PALLD: variants seen among roughly 807,000 people sequenced by gnomAD.
The protein encoded by PALLD is palladin.
In PALLD, 61 loss-of-function variants were observed where a neutral mutation model predicts 123.5. The ratio of observed to expected loss-of-function variants is 0.49; its 90% CI spans 0.40 to 0.61. PALLD has a LOEUF of 0.61. Among genes scored for constraint, PALLD ranks in the 20% least tolerant of loss-of-function variants. The probability of loss-of-function intolerance (pLI) is 0.00; values close to 1 mark genes in which losing one functional copy is unlikely to be tolerated. For missense variants in PALLD, 1,273 were observed against 1,377.0 expected (o/e 0.92, Z 1.20); for synonymous variants, 465 against 496.4 (o/e 0.94, Z 0.84).
intron 10 of PALLD, among the ~76,000 whole-genome samples, chr4:168,804,209 A>G (rs1181267392): frequency 6.6e-6 from 1 of 151,604 alleles, no homozygotes; most frequent in Non-Finnish European, 1.5e-5. Context: ...TGTAGAGCGA[A>G]CTAGAAATAT....
At chr4:168,561,723 A>G (rs921287115) in intron 2 of PALLD, among the ~76,000 whole-genome samples, 2 of 152,256 alleles carry the variant, frequency 1.3e-5, no homozygotes, top group Non-Finnish European at 2.9e-5. Context: ...TATTTTTCTA[A>G]CCCTTTAAAG....
chr4:168,656,723 A>G (rs1179280468), intron 2 of PALLD, among the ~76,000 whole-genome samples: 1 of 152,246 alleles, frequency 6.6e-6, no homozygotes, highest in Non-Finnish European at 1.5e-5. Context: ...GGGGAAATCC[A>G]GTATTTTCAT....
intron 10 of PALLD, among the ~76,000 whole-genome samples, chr4:168,810,701 G>A (rs1465479470): frequency 1.3e-5 from 2 of 151,922 alleles, no homozygotes; most frequent in Admixed American, 6.6e-5. Flanking sequence ...CCAGCTACTC[G>A]GGAGGCTGAG....
chr4:168,757,987 C>T (rs921985184), intron 10 of PALLD, among the ~76,000 whole-genome samples: 2 of 152,182 alleles, frequency 1.3e-5, no homozygotes, highest in Non-Finnish European at 2.9e-5. Context: ...AGGAGAGTCG[C>T]CTGAACCTGG....
chr4:168,794,270 G>C (rs1450318716), intron 10 of PALLD, among the ~76,000 whole-genome samples: 2 of 152,136 alleles, frequency 1.3e-5, no homozygotes, highest in Non-Finnish European at 2.9e-5. Flanking sequence ...CTCGGGCAGT[G>C]AGAGTGTCAC....
chr4:168,650,231 A>T (rs1777901851), intron 2 of PALLD, among the ~76,000 whole-genome samples: 1 of 152,226 alleles, frequency 6.6e-6, no homozygotes, highest in African/African-American at 2.4e-5. Flanking sequence ...ATTTGCTTGC[A>T]GTGAAAATAA....
At chr4:168,851,183 CCA>C (rs1186259705) in intron 10 of PALLD, among the ~76,000 whole-genome samples, 28 of 152,260 alleles carry the variant, frequency 1.8e-4, no homozygotes, top group Middle Eastern at 3.4e-3. Context: ...GCCTGTGGAC[CCA>C]CAGTCTGGCT....
chr4:168,592,275 C>T (rs753209590), intron 2 of PALLD, among the ~76,000 whole-genome samples: 1 of 152,060 alleles, frequency 6.6e-6, no homozygotes, highest in East Asian at 1.9e-4. Context: ...CCGCCTGCCT[C>T]AGCCTCCCAA....
chr4:168,675,416 T>C (rs1561382465), intron 3 of PALLD, among the ~76,000 whole-genome samples: 1 of 152,208 alleles, frequency 6.6e-6, no homozygotes. Context: ...AAATGTGGAA[T>C]TGTTCCTGGT....
intron 2 of PALLD, among the ~76,000 whole-genome samples, chr4:168,579,205 A>G (rs1222967431): frequency 2.0e-5 from 3 of 152,190 alleles, no homozygotes; most frequent in African/African-American, 7.2e-5. Context: ...GTGCCATGTA[A>G]AGTGCAGCTA....
intron 10 of PALLD, among the ~76,000 whole-genome samples, chr4:168,840,114 TA>T (rs199853082): frequency 9.2e-5 from 14 of 151,886 alleles, no homozygotes; most frequent in African/African-American, 2.2e-4. Context: ...AGATTTTTTT[TA>T]AAAAAAATCT....
At position 168,606,421 on chromosome 4, in the gene PALLD, T is replaced by A. The variant is rs1010788077; in HGVS notation, c.909-61769T>A. On this transcript the variant is annotated intron_variant, in intron 2 of 21. Transcript: ENST00000505667. ...CAGGCGTGGTGGCTCAGGCCTGTAA[T>A]CCCAGCACTTTGGGAGGCCGAGGAG... Among the ~76,000 whole-genome samples, 9 of 152,196 alleles carry A rather than the reference T, an allele frequency of 5.9e-5. No homozygotes were observed. The East Asian group carries it at 1.7e-3, about 29-fold the overall frequency.
chr4:168,909,878 A>C (rs956647177), intron 15 of PALLD, among the ~76,000 whole-genome samples: 1 of 152,170 alleles, frequency 6.6e-6, no homozygotes, highest in Non-Finnish European at 1.5e-5. Flanking sequence ...TTTTTCCCCC[A>C]AACAAAAATG....
intron 1 of PALLD, among the ~76,000 whole-genome samples, chr4:168,501,554 T>C (rs2712149): frequency 0.68 from 103,704 of 152,096 alleles, 35,478 homozygotes; most frequent in East Asian, 0.77. Context: ...AATTCAAGGT[T>C]GATAGGATTC....
At position 168,878,200 on chromosome 4, in the gene PALLD, G is replaced by A; in HGVS notation, c.1965-12722G>A. On this transcript the variant is annotated intron_variant, in intron 10 of 21. Transcript: ENST00000505667. ...TCTTCAGCCCCACGGCTGCCTTCCCGGTGCCCGACGTGTTCCCACTGCCGC... is the reference window on the plus strand; with the variant it reads ...TCTTCAGCCCCACGGCTGCCTTCCCAGTGCCCGACGTGTTCCCACTGCCGC... 1.6e-6 allele frequency: 2 copies of A among 1,262,872 alleles called. No homozygotes were observed. Among genetic ancestry groups the A allele is most frequent in the Non-Finnish European group, 2.0e-6 (2 of 983,170 alleles). The allele number at this position is 1,262,872 out of a possible 1,614,324, so 78.2% of individuals were successfully genotyped here. A position where few individuals can be genotyped will look rare whatever the true frequency, so the allele number is the denominator to read the frequency against.
chr4:168,564,451 G>A (rs1768173573), intron 2 of PALLD, among the ~76,000 whole-genome samples: 1 of 152,176 alleles, frequency 6.6e-6, no homozygotes, highest in Admixed American at 6.5e-5. Context: ...ACATAACACT[G>A]TTAGGCACAG....
At chr4:168,610,104 T>C (rs1773589343) in intron 2 of PALLD, among the ~76,000 whole-genome samples, 1 of 152,242 alleles carries the variant, frequency 6.6e-6, no homozygotes, top group African/African-American at 2.4e-5. Context: ...TGCTGTTTCA[T>C]GTCTATCTTC....
Position 168,856,562 on chromosome 4 carries a change from A to G in PALLD, c.1965-34360A>G, listed in dbSNP as rs12510834. 0.04 allele frequency among the ~76,000 whole-genome samples: 6,124 copies of G among 152,238 alleles called. 575 individuals carry two copies. The East Asian group carries it at 0.41, about 10-fold the overall frequency. ...TCTGACTGGTGTGAGATGGTATCTC[A>G]TCGTGGTTTTGGTTTGCATTTCTCT... On this transcript the variant is annotated intron_variant, in intron 10 of 21. Transcript: ENST00000505667.
At chr4:168,649,725 A>T (rs1181413243) in intron 2 of PALLD, among the ~76,000 whole-genome samples, 1 of 152,262 alleles carries the variant, frequency 6.6e-6, no homozygotes, top group Non-Finnish European at 1.5e-5. Context: ...TCCATAGTTA[A>T]GGAATGAGGA....
Sources: gnomAD v4.1 joint callset for allele counts (sites outside exome capture counted in the v4.1 genomes callset) on GRCh38, gnomAD v4.1.1 for gene constraint, MANE v1.5 for transcripts, NCBI Gene and HGNC (gene_info 2026-07-23, HGNC 2026-07-21) for gene names.